The following FGF14 variants were observed in gnomAD, a reference collection of about 807,000 sequenced individuals.
FGF14 encodes the protein fibroblast growth factor homologous factor 4.
A neutral mutation model predicts 25.5 loss-of-function variants in FGF14; 5 were observed. The observed-to-expected ratio is 0.20, with a 90% CI of 0.10 to 0.41. The LOEUF (loss-of-function observed/expected upper bound fraction) is 0.41, where lower values mean the gene tolerates loss of function less well. Among genes scored for constraint, FGF14 ranks in the 10% least tolerant of loss-of-function variants. The pLI, the probability that FGF14 is intolerant of heterozygous loss-of-function variation, is 1.00. For synonymous variants in FGF14, 138 were observed against 118.3 expected, an observed-to-expected ratio of 1.17 and a Z score of -1.08; for missense variants, 222 against 320.1, an observed-to-expected ratio of 0.69 and a Z score of 2.34.
intron 1 of FGF14, among the ~76,000 whole-genome samples, chr13:101,934,346 G>A (rs1355955525): frequency 6.6e-6 from 1 of 152,158 alleles, no homozygotes; most frequent in Non-Finnish European, 1.5e-5. Flanking sequence ...ATGTTGAGCA[G>A]TTAAGAAGCC....
At chr13:102,022,590 A>G (rs957222902) in intron 1 of FGF14, among the ~76,000 whole-genome samples, 1 of 152,084 alleles carries the variant, frequency 6.6e-6, no homozygotes, top group Non-Finnish European at 1.5e-5. Flanking sequence ...GAGAACATAA[A>G]TAGATGACAC....
chr13:102,221,817 C>G (rs756536135), intron 1 of FGF14, among the ~76,000 whole-genome samples: 2 of 152,152 alleles, frequency 1.3e-5, no homozygotes, highest in African/African-American at 4.8e-5. Flanking sequence ...AATTTCCTAA[C>G]TAGACTACAA....
chr13:102,248,529 G>A (rs1455188694), intron 1 of FGF14, among the ~76,000 whole-genome samples: 1 of 152,138 alleles, frequency 6.6e-6, no homozygotes, highest in East Asian at 1.9e-4. Context: ...GTATAAAAAT[G>A]TGGATACCAG....
At chr13:101,832,554 G>A (rs2042726445) in intron 3 of FGF14, among the ~76,000 whole-genome samples, 1 of 151,976 alleles carries the variant, frequency 6.6e-6, no homozygotes, top group Non-Finnish European at 1.5e-5. Context: ...GAGGAGACAA[G>A]ACACGATGAC....
intron 3 of FGF14, among the ~76,000 whole-genome samples, chr13:101,794,426 CAT>C (rs1421821350): frequency 6.6e-6 from 1 of 152,092 alleles, no homozygotes; most frequent in African/African-American, 2.4e-5. Flanking sequence ...ATAAATACCA[CAT>C]GGGCAAACCA....
intron 1 of FGF14, among the ~76,000 whole-genome samples, chr13:102,124,319 G>A (rs548734208): frequency 1.3e-5 from 2 of 152,156 alleles, no homozygotes; most frequent in East Asian, 3.9e-4. Flanking sequence ...TTATGGAATA[G>A]AAAGCTATAT....
At chr13:101,736,598 C>T (rs1383491970) in intron 3 of FGF14, among the ~76,000 whole-genome samples, 6 of 151,968 alleles carry the variant, frequency 3.9e-5, no homozygotes, top group African/African-American at 1.5e-4. Context: ...GTCTGATGGC[C>T]ACTGCTCTAT....
rs1002235936 is a variant in FGF14, at chr13:101,840,301, TCCC to T, written c.408+28421_408+28423del. Among the ~76,000 whole-genome samples the T allele has an allele frequency of 2.6e-5, 4 of 151,944 alleles. 1 individual carries two copies. The highest frequency in any genetic ancestry group is 2.6e-4 in the Admixed American group (4 of 15,244). On this transcript the variant is annotated intron_variant, in intron 3 of 4. Coordinates refer to ENST00000376143, the MANE Select transcript of FGF14 (RefSeq NM_004115.4). The stretch of plus-strand genomic sequence containing the variant: ...TTGTGGCCATTTTATATTTGTTATT[TCCC>T]CCCATTTAAAATACGTTATGAAAAA...
At position 101,718,733 on chromosome 13, in the gene FGF14, A is replaced by G. The variant is rs2034814435; in HGVS notation, c.*4098T>C. The G allele has an allele frequency of 6.6e-6, 1 of 151,920 alleles. No homozygotes were observed. Among genetic ancestry groups the G allele is most frequent in the Non-Finnish European group, 1.5e-5 (1 of 67,976 alleles). 9.4% of individuals were successfully genotyped at this position (151,920 alleles called of 1,614,324 possible). ...CCGCCCTCCACTACCTCAAATGCAAACACAATCTCTGCCAGTAGACATTGG... is the reference window on the plus strand; with the variant it reads ...CCGCCCTCCACTACCTCAAATGCAAGCACAATCTCTGCCAGTAGACATTGG... On this transcript the variant is annotated 3_prime_UTR_variant, in exon 5 of 5. Transcript: ENST00000376143.
intron 1 of FGF14, among the ~76,000 whole-genome samples, chr13:102,181,893 A>G (rs1566789669): frequency 6.6e-6 from 1 of 152,166 alleles, no homozygotes; most frequent in Non-Finnish European, 1.5e-5. Flanking sequence ...TCTGTGGAAG[A>G]AAGAACAAGA....
chr13:102,332,229 T>C (rs997735708), intron 1 of FGF14, among the ~76,000 whole-genome samples: 1 of 151,970 alleles, frequency 6.6e-6, no homozygotes, highest in Non-Finnish European at 1.5e-5. Context: ...GGACAGTGGA[T>C]CCTAAAGATC....
intron 1 of FGF14, among the ~76,000 whole-genome samples, chr13:102,261,976 T>C (rs2052740746): frequency 1.3e-5 from 2 of 152,108 alleles, no homozygotes; most frequent in African/African-American, 4.8e-5. Flanking sequence ...TTAAATTGGG[T>C]GTTTGGCTAA....
intron 1 of FGF14, among the ~76,000 whole-genome samples, chr13:102,236,241 T>C (rs2051322395): frequency 6.6e-6 from 1 of 152,192 alleles, no homozygotes; most frequent in African/African-American, 2.4e-5. Context: ...GCCCGAATTA[T>C]TCGTTGCACA....
intron 1 of FGF14, among the ~76,000 whole-genome samples, chr13:102,161,570 A>AAGAAGAAGAAAG: frequency 1.8e-4 from 1 of 5,652 alleles, no homozygotes; most frequent in Non-Finnish European, 2.4e-4. Context: ...TTCTGTGAAG[A>AAGAAGAAGAAAG]AAGAAAGAAG....
chr13:101,840,523 T>G (rs1280069409), intron 3 of FGF14, among the ~76,000 whole-genome samples: 1 of 151,788 alleles, frequency 6.6e-6, no homozygotes, highest in Non-Finnish European at 1.5e-5. Context: ...TTATATAACT[T>G]TGATAGCTAC....
intron 1 of FGF14, among the ~76,000 whole-genome samples, chr13:102,130,337 C>T (rs574020284): frequency 1.1e-4 from 17 of 152,252 alleles, no homozygotes; most frequent in African/African-American, 2.6e-4. Context: ...CTTTTTCCTG[C>T]GTCTAGAGGT....
At chr13:102,089,925 T>A (rs1433857053) in intron 1 of FGF14, among the ~76,000 whole-genome samples, 1 of 152,236 alleles carries the variant, frequency 6.6e-6, no homozygotes. Flanking sequence ...AGAAACTCTC[T>A]GGGAACAACT....
intron 1 of FGF14, among the ~76,000 whole-genome samples, chr13:102,295,393 AC>A (rs1485164829): frequency 3.3e-5 from 5 of 151,792 alleles, no homozygotes; most frequent in African/African-American, 1.2e-4. Flanking sequence ...ATTCCTAGTT[AC>A]TCTAGACTTT....
chr13:101,748,184 C>A (rs2037016170), intron 3 of FGF14, among the ~76,000 whole-genome samples: 1 of 151,880 alleles, frequency 6.6e-6, no homozygotes, highest in Non-Finnish European at 1.5e-5. Context: ...TGTATAACAA[C>A]ACTACTCAAA....
Sources: allele counts gnomAD v4.1 joint callset (sites outside exome capture counted in the v4.1 genomes callset), GRCh38; gene constraint gnomAD v4.1.1; transcripts MANE v1.5; gene names NCBI Gene and HGNC (gene_info 2026-07-23, HGNC 2026-07-21).